CSMD1: variants seen among roughly 807,000 people sequenced by gnomAD.
CSMD1 encodes the protein CUB and sushi domain-containing protein 1.
Under a neutral mutation model 417.5 loss-of-function variants are expected in CSMD1, and 213 were observed. The observed-to-expected ratio is 0.51, with a 90% confidence interval of 0.46 to 0.57. The LOEUF is 0.57. Among genes scored for constraint, CSMD1 ranks in the 20% least tolerant of loss-of-function variants. The pLI is 0.00. For synonymous variants in CSMD1, 2,862 were observed against 1,736.8 expected (o/e 1.65, Z -16.11); for missense variants, 6,923 against 4,529.7 (o/e 1.53, Z -15.17).
intron 25 of CSMD1, chr8:3,284,585 G>C (rs1315273590): frequency 1.8e-5 from 9 of 512,890 alleles, no homozygotes; most frequent in Admixed American, 1.6e-4. Flanking sequence ...AGATAGGTGA[G>C]CTAGATGCTG....
At chr8:3,912,137 A>C (rs1808503551) in intron 5 of CSMD1, among the ~76,000 whole-genome samples, 1 of 152,180 alleles carries the variant, frequency 6.6e-6, no homozygotes, top group African/African-American at 2.4e-5. Flanking sequence ...TTCTATTTTT[A>C]TTTAACCTGA....
At chr8:3,009,098 C>T (rs1203572619) in intron 52 of CSMD1, among the ~76,000 whole-genome samples, 2 of 152,204 alleles carry the variant, frequency 1.3e-5, no homozygotes, top group African/African-American at 2.4e-5. Flanking sequence ...GACCTGGAGC[C>T]GTGCATTCTT....
At chr8:3,944,753 T>C (rs964179349) in intron 5 of CSMD1, among the ~76,000 whole-genome samples, 1 of 152,082 alleles carries the variant, frequency 6.6e-6, no homozygotes, top group Non-Finnish European at 1.5e-5. Context: ...TTCAAAACTA[T>C]ACTCTCAACT....
rs200296436 is a variant in CSMD1 at position 3,981,500 on chromosome 8, T to TAAAAAAAAAA, written c.818+16393_818+16402dup. Among the ~76,000 whole-genome samples, 443 of 114,956 alleles carry TAAAAAAAAAA rather than the reference T, an allele frequency of 3.9e-3. 1 individual carries two copies. Among genetic ancestry groups the TAAAAAAAAAA allele is most frequent in the Non-Finnish European group, 4.9e-3 (281 of 57,558 alleles). The allele number at this position is 114,956 out of a possible 152,430, so 75.4% of individuals were successfully genotyped here. On this transcript the variant is annotated intron_variant, in intron 5 of 69. Coordinates refer to ENST00000635120, the MANE Select transcript of CSMD1 (RefSeq NM_033225.6). ...TACTCCAATAACTTATAGAAAAAAGTAAAAAAAAAAAAAAAAAAAAAAAAA... is the reference window on the plus strand; with the variant it reads ...TACTCCAATAACTTATAGAAAAAAGTAAAAAAAAAAAAAAAAAAAAAAAAAAAAAAAAAAA...
chr8:3,694,340 AG>A (rs1800429697), intron 7 of CSMD1, among the ~76,000 whole-genome samples: 1 of 152,100 alleles, frequency 6.6e-6, no homozygotes, highest in South Asian at 2.1e-4. Context: ...GCAGACAGAC[AG>A]GGGTCACTCA....
intron 3 of CSMD1, among the ~76,000 whole-genome samples, chr8:4,195,828 G>T (rs1383199972): frequency 6.6e-6 from 1 of 152,150 alleles, no homozygotes; most frequent in Non-Finnish European, 1.5e-5. Flanking sequence ...GCCTGTAGAT[G>T]AGGAGGCAGT....
At chr8:4,135,214 G>GGTCCC (rs1169290999) in intron 3 of CSMD1, among the ~76,000 whole-genome samples, 6 of 152,036 alleles carry the variant, frequency 3.9e-5, no homozygotes, top group African/African-American at 1.5e-4. Flanking sequence ...CAACAATGTT[G>GGTCCC]AGAATTAAGC....
rs1357646216 is a variant in CSMD1, at chr8:3,948,034, C to A, written c.818+49869G>T. Among the ~76,000 whole-genome samples the A allele has an allele frequency of 3.3e-5, 5 of 152,048 alleles. No homozygotes were observed. In the East Asian group the frequency reaches 9.7e-4, roughly 29 times the overall value. On this transcript the variant is annotated intron_variant, in intron 5 of 69. Transcript: ENST00000635120. Reference sequence around the variant, plus strand: ...CAGCCTGGCCAACATGGTAAAACCCCGTCTCTACTAAAAATATAAAAATTA... The same window carrying A: ...CAGCCTGGCCAACATGGTAAAACCCAGTCTCTACTAAAAATATAAAAATTA...
intron 1 of CSMD1, among the ~76,000 whole-genome samples, chr8:4,804,073 G>C (rs982251757): frequency 6.6e-6 from 1 of 152,156 alleles, no homozygotes; most frequent in Non-Finnish European, 1.5e-5. Context: ...CTATTTCATG[G>C]TTATTTGGTT....
rs1816416802 is a variant in CSMD1 at position 3,110,228 on chromosome 8, G to C, written c.6538C>G (p.Pro2180Ala). ...KDCIWLITVP[P>A]GHGVYINFTL... ...AAGTTGATGTAAACTCCGTGCCCTG[G>C]AGGCACCGTGATGAGCCAAATGCAG... The change falls in exon 43 of 70, where the codon CCA (proline) becomes GCA (alanine). Residue 2180 changes from proline (P) to alanine (A), a missense_variant. By Grantham distance (27) the Pro-to-Ala change is conservative. Transcript: ENST00000635120. 1.2e-6 allele frequency: 2 copies of C among 1,613,038 alleles called. No individual in the cohort carries two copies. Among genetic ancestry groups the C allele is most frequent in the African/African-American group, 2.7e-5 (2 of 74,892 alleles).
intron 31 of CSMD1, among the ~76,000 whole-genome samples, chr8:3,202,412 T>C (rs1035565209): frequency 1.3e-5 from 2 of 152,190 alleles, no homozygotes; most frequent in Non-Finnish European, 2.9e-5. Context: ...CACTCTACAA[T>C]TTCATGTATC....
intron 5 of CSMD1, among the ~76,000 whole-genome samples, chr8:3,839,784 C>T (rs2129093411): frequency 6.6e-6 from 1 of 151,484 alleles, no homozygotes; most frequent in South Asian, 2.1e-4. Context: ...TATATTTGTT[C>T]CCAGAGAAGC....
At chr8:4,072,227 G>GC (rs933285333) in intron 3 of CSMD1, among the ~76,000 whole-genome samples, 61 of 152,124 alleles carry the variant, frequency 4.0e-4, no homozygotes, top group Non-Finnish European at 1.5e-4. Flanking sequence ...ATCCACAGTT[G>GC]CAAGTGAAGA....
intron 1 of CSMD1, among the ~76,000 whole-genome samples, chr8:4,664,471 G>A (rs1225679938): frequency 6.6e-6 from 1 of 152,092 alleles, no homozygotes; most frequent in Non-Finnish European, 1.5e-5. Context: ...AAGGTGGGAG[G>A]ACTGCTTTAC....
At chr8:3,606,156 A>T (rs1211418927) in intron 8 of CSMD1, among the ~76,000 whole-genome samples, 1 of 152,222 alleles carries the variant, frequency 6.6e-6, no homozygotes, top group African/African-American at 2.4e-5. Flanking sequence ...TTCTGCAGAG[A>T]GAAGCCAACC....
intron 6 of CSMD1, among the ~76,000 whole-genome samples, chr8:3,715,868 C>A (rs549306592): frequency 8.5e-5 from 13 of 152,262 alleles, no homozygotes; most frequent in African/African-American, 2.2e-4. Context: ...AAAAGGCACA[C>A]GGCCTGCAGA....
chr8:3,664,644 T>C (rs191514108), intron 7 of CSMD1, among the ~76,000 whole-genome samples: 1 of 152,322 alleles, frequency 6.6e-6, no homozygotes, highest in East Asian at 1.9e-4. Flanking sequence ...TCCGCCAAGA[T>C]CAGGAGCATC....
intron 1 of CSMD1, among the ~76,000 whole-genome samples, chr8:4,925,755 G>C (rs1053547904): frequency 2.6e-5 from 4 of 152,024 alleles, no homozygotes; most frequent in Non-Finnish European, 4.4e-5. Context: ...CACCGTGTTG[G>C]TCAGGATGGT....
chr8:4,277,672 A>G (rs979583489), intron 3 of CSMD1, among the ~76,000 whole-genome samples: 2 of 152,188 alleles, frequency 1.3e-5, no homozygotes, highest in African/African-American at 4.8e-5. Context: ...GTACTGATTT[A>G]AACACAAGCG....
Sources: gnomAD v4.1 joint callset for allele counts (sites outside exome capture counted in the v4.1 genomes callset) on GRCh38, gnomAD v4.1.1 for gene constraint, MANE v1.5 for transcripts, NCBI Gene and HGNC (gene_info 2026-07-23, HGNC 2026-07-21) for gene names.